SERPINI2: variants seen among roughly 807,000 people sequenced by gnomAD.
SERPINI2 encodes serpin family I member 2.
Under a neutral mutation model 47.3 loss-of-function variants are expected in SERPINI2, and 48 were observed. The ratio of observed to expected loss-of-function variants is 1.02; its 90% CI spans 0.81 to 1.29. The LOEUF is 1.29. Among genes scored for constraint, SERPINI2 ranks in the 50% most tolerant of loss-of-function variants. The pLI, the probability that SERPINI2 is intolerant of heterozygous loss-of-function variation, is 0.00. For synonymous variants in SERPINI2, 135 were observed against 149.3 expected (o/e 0.90, Z 0.70); for missense variants, 448 against 456.9 (o/e 0.98, Z 0.18).
chr3:167,443,138 C>CG (rs1039190743), intron 8 of SERPINI2, among the ~76,000 whole-genome samples: 1 of 152,162 alleles, frequency 6.6e-6, no homozygotes, highest in African/African-American at 2.4e-5. Flanking sequence ...GACGGAGTCT[C>CG]GCTCTGTCAC....
At chr3:167,451,224 CAGAA>C (rs1439776462) in intron 6 of SERPINI2, among the ~76,000 whole-genome samples, 1 of 152,162 alleles carries the variant, frequency 6.6e-6, no homozygotes, top group Non-Finnish European at 1.5e-5. Context: ...TGCTTACACT[CAGAA>C]AGGTTAAATA....
At chr3:167,470,579 T>TTTTTTTG (rs1750282022) in intron 2 of SERPINI2, among the ~76,000 whole-genome samples, 1 of 119,802 alleles carries the variant, frequency 8.3e-6, no homozygotes, top group Non-Finnish European at 1.7e-5. Context: ...TTTTTTTTTT[T>TTTTTTTG]GGAGAAGGAG....
intron 2 of SERPINI2, among the ~76,000 whole-genome samples, chr3:167,470,917 T>C (rs1388617632): frequency 6.6e-6 from 1 of 151,652 alleles, no homozygotes; most frequent in Non-Finnish European, 1.5e-5. Context: ...AGACAGTCCA[T>C]GAGGAGACTC....
chr3:167,446,631 T>G, intron 7 of SERPINI2, 150 bp from the exon 8 acceptor site: 1 of 470,650 alleles, frequency 2.1e-6, no homozygotes, highest in Non-Finnish European at 3.7e-6. Context: ...TACAGAGGAA[T>G]TTGCAATAAA....
intron 5 of SERPINI2, among the ~76,000 whole-genome samples, chr3:167,456,147 CCT>C (rs1491162199): frequency 3.1e-5 from 3 of 98,276 alleles, no homozygotes; most frequent in Non-Finnish European, 4.3e-5. Flanking sequence ...CAATCAATTA[CCT>C]CTGTGTGTGT....
rs139357977 is a variant in SERPINI2 at position 167,457,523 on chromosome 3, A to C, written c.867-4490T>G. Among the ~76,000 whole-genome samples the C allele has an allele frequency of 4.5e-3, 681 of 152,314 alleles. 2 individuals carry two copies. The highest frequency in any genetic ancestry group is 7.7e-3 in the Non-Finnish European group (525 of 68,030). On this transcript the variant is annotated intron_variant, in intron 5 of 8. Transcript: ENST00000264677. ...AGGCTGCTCCCTTTAAACACTCTTT[A>C]CTTAATGTCCGAGTTGTTGCAGTGG... is the stretch of plus-strand genomic sequence containing the variant.
At chr3:167,443,096 A>T (rs1051989259) in intron 8 of SERPINI2, among the ~76,000 whole-genome samples, 1 of 152,092 alleles carries the variant, frequency 6.6e-6, no homozygotes, top group Non-Finnish European at 1.5e-5. Context: ...ATTTTATTTT[A>T]TTTTTTTGTT....
At chr3:167,453,111 T>TAG (rs1749688385) in intron 5 of SERPINI2, 78 bp from the exon 6 acceptor site, 1 of 699,384 alleles carries the variant, frequency 1.4e-6, no homozygotes, top group African/African-American at 1.8e-5. Flanking sequence ...ATGGATGACT[T>TAG]AGAGGATAAT....
chr3:167,471,847 G>C lies in SERPINI2; in HGVS notation c.-10-3C>G, dbSNP rs776368750. 7 of 1,599,346 alleles carry C rather than the reference G, an allele frequency of 4.4e-6. No individual in the cohort carries two copies. The highest frequency in any genetic ancestry group is 6.0e-6 in the Non-Finnish European group (7 of 1,168,950). ...AGATTGTGTCCATTTTGACTTCTCT[G>C]TATTGTTTAAATCAAAATATATTCA... On this transcript the variant is annotated splice_polypyrimidine_tract_variant and splice_region_variant and intron_variant, in intron 1 of 8. Transcript: ENST00000264677.
chr3:167,444,380 G>T (rs375736013), intron 8 of SERPINI2, among the ~76,000 whole-genome samples: 1 of 152,082 alleles, frequency 6.6e-6, no homozygotes, highest in Non-Finnish European at 1.5e-5. Flanking sequence ...TGCACAAAAG[G>T]ACTGTTTGGA....
exon 4 of SERPINI2, chr3:167,465,521 C>T (rs753865354): frequency 5.0e-6 from 8 of 1,613,710 alleles, no homozygotes; most frequent in South Asian, 4.4e-5. Context: ...GGAATTTTGA[C>T]AGTTGAACCA....
At chr3:167,448,815 C>G (rs1199223800) in intron 7 of SERPINI2, among the ~76,000 whole-genome samples, 1 of 151,802 alleles carries the variant, frequency 6.6e-6, no homozygotes, top group Non-Finnish European at 1.5e-5. Context: ...AGCCACCGCG[C>G]CCGGTTGACT....
chr3:167,467,377 A>G (rs1487670171), intron 2 of SERPINI2, 92 bp from the exon 3 acceptor site: 1 of 852,298 alleles, frequency 1.2e-6, no homozygotes, highest in East Asian at 2.6e-5. Flanking sequence ...GATTCATATC[A>G]CCGTTTTTTG....
exon 9 of SERPINI2, chr3:167,442,013 A>T: frequency 2.2e-6 from 2 of 893,416 alleles, no homozygotes; most frequent in Non-Finnish European, 1.7e-6. Context: ...AACAGAAAAG[A>T]CATAAGATAT....
exon 3 of SERPINI2, chr3:167,467,277 A>C: frequency 6.2e-7 from 1 of 1,606,324 alleles, no homozygotes; most frequent in African/African-American, 1.3e-5. Context: ...AGTACAAAAA[A>C]TTCTTCCCCT....
At chr3:167,476,378 T>G (rs1430984558), upstream of SERPINI2, among the ~76,000 whole-genome samples, 1 of 151,934 alleles carries the variant, frequency 6.6e-6, no homozygotes, top group African/African-American at 2.4e-5. Context: ...TTAGAAACAG[T>G]TACCTTGAAA....
rs1221533452 is a variant in SERPINI2 at position 167,453,656 on chromosome 3, TG to T, written c.867-624del. 9.3e-3 allele frequency among the ~76,000 whole-genome samples: 458 copies of T among 49,104 alleles called. 1 individual carries two copies. The highest frequency in any genetic ancestry group is 0.027 in the African/African-American group (383 of 14,368). The allele number at this position is 49,104 out of a possible 152,430, so 32.2% of individuals were successfully genotyped here. On this transcript the variant is annotated intron_variant, in intron 5 of 8. Transcript: ENST00000264677. ...AAATAAAAGACAAAAATTACAGGAG[TG>T]GGGGGGGGTGGGCAAAAAAAAAAGG...
chr3:167,473,952 T>C (rs1750417896), intron 1 of SERPINI2, 51 bp downstream of exon 1: 1 of 1,195,794 alleles, frequency 8.4e-7, no homozygotes. Context: ...TCATAGGCAA[T>C]GTTATTGCAT....
intron 5 of SERPINI2, among the ~76,000 whole-genome samples, chr3:167,456,667 A>T (rs1044979306): frequency 1.3e-5 from 2 of 152,186 alleles, no homozygotes; most frequent in Non-Finnish European, 2.9e-5. Flanking sequence ...GTATTGGCTC[A>T]GCCATTAATT....
Sources: gnomAD v4.1 joint callset for allele counts (sites outside exome capture counted in the v4.1 genomes callset) on GRCh38, gnomAD v4.1.1 for gene constraint, MANE v1.5 for transcripts, NCBI Gene and HGNC (gene_info 2026-07-23, HGNC 2026-07-21) for gene names.